Variants in GRIK1 observed in about 807,000 individuals in gnomAD.
The protein encoded by GRIK1 is glutamate ionotropic receptor kainate type subunit 1.
A neutral mutation model predicts 105.7 loss-of-function variants in GRIK1; 69 were observed. The ratio of observed to expected loss-of-function variants is 0.65; its 90% CI spans 0.54 to 0.80. GRIK1 has a LOEUF of 0.80. GRIK1 is among the 30% of genes least tolerant of loss of function. The pLI, the probability that GRIK1 is intolerant of heterozygous loss-of-function variation, is 0.00. For synonymous variants in GRIK1, 438 were observed against 431.3 expected (o/e 1.02, Z -0.19); for missense variants, 1,109 against 1,167.3 (o/e 0.95, Z 0.73).
chr21:29,605,624 T>A (rs1389689209), intron 7 of GRIK1, among the ~76,000 whole-genome samples: 1 of 152,162 alleles, frequency 6.6e-6, no homozygotes, highest in Non-Finnish European at 1.5e-5. Context: ...TGTGTTTAGG[T>A]CTTTGAGGAA....
At chr21:29,837,447 T>A (rs989586202) in intron 1 of GRIK1, among the ~76,000 whole-genome samples, 1 of 152,166 alleles carries the variant, frequency 6.6e-6, no homozygotes, top group Non-Finnish European at 1.5e-5. Flanking sequence ...GTGAATATAA[T>A]AAATATGTGA....
At chr21:29,551,368 C>CT (rs1418256302) in intron 16 of GRIK1, among the ~76,000 whole-genome samples, 1 of 152,170 alleles carries the variant, frequency 6.6e-6, no homozygotes, top group African/African-American at 2.4e-5. Context: ...GAAATTGAGA[C>CT]TGAGAAGTTT....
intron 1 of GRIK1, among the ~76,000 whole-genome samples, chr21:29,846,889 G>GTA: frequency 6.6e-6 from 1 of 152,182 alleles, no homozygotes; most frequent in South Asian, 2.1e-4. Flanking sequence ...GTATATGTAT[G>GTA]TATGTGTGTA....
chr21:29,550,066 T>C (rs149902326), intron 16 of GRIK1, among the ~76,000 whole-genome samples: 3,268 of 124,140 alleles, frequency 0.026, 112 homozygotes, highest in African/African-American at 0.093. Context: ...CAAGATGGCG[T>C]GACTGCACTC....
At chr21:29,933,032 A>T (rs926996464) in intron 1 of GRIK1, among the ~76,000 whole-genome samples, 11 of 152,122 alleles carry the variant, frequency 7.2e-5, no homozygotes, top group Non-Finnish European at 1.0e-4. Flanking sequence ...TTTCTAAATA[A>T]AAGAGGGCAA....
chr21:29,781,961 C>T (rs145099602), intron 1 of GRIK1, among the ~76,000 whole-genome samples: 19 of 151,890 alleles, frequency 1.3e-4, no homozygotes, highest in Non-Finnish European at 2.4e-4. Flanking sequence ...TGAGCCACCG[C>T]GCCCGGCCTA....
chr21:29,789,509 C>T (rs1045971118), intron 1 of GRIK1, among the ~76,000 whole-genome samples: 1 of 152,182 alleles, frequency 6.6e-6, no homozygotes, highest in Non-Finnish European at 1.5e-5. Flanking sequence ...TCCCCACTCC[C>T]CCATACCTGG....
intron 7 of GRIK1, among the ~76,000 whole-genome samples, chr21:29,629,382 C>T (rs2062210342): frequency 6.6e-6 from 1 of 152,096 alleles, no homozygotes; most frequent in Admixed American, 6.5e-5. Context: ...GAGGAAAAGG[C>T]ACAATGTCTC....
intron 1 of GRIK1, among the ~76,000 whole-genome samples, chr21:29,903,953 G>A (rs529136962): frequency 1.3e-4 from 20 of 152,270 alleles, no homozygotes; most frequent in African/African-American, 4.3e-4. Flanking sequence ...CATAAAAAAG[G>A]ATGAGTTCAT....
intron 1 of GRIK1, among the ~76,000 whole-genome samples, chr21:29,866,888 C>T (rs553504080): frequency 8.7e-4 from 132 of 152,278 alleles, no homozygotes; most frequent in Non-Finnish European, 1.7e-3. Flanking sequence ...AAACAAAGTA[C>T]ACTTGAATAT....
intron 1 of GRIK1, among the ~76,000 whole-genome samples, chr21:29,714,725 G>A (rs550303202): frequency 6.6e-6 from 1 of 152,246 alleles, no homozygotes; most frequent in East Asian, 1.9e-4. Context: ...CCAAAACCCA[G>A]CTGTAAAATT....
chr21:29,600,285 C>T (rs2061495284), intron 7 of GRIK1, among the ~76,000 whole-genome samples: 1 of 152,118 alleles, frequency 6.6e-6, no homozygotes, highest in Non-Finnish European at 1.5e-5. Context: ...TTTGAGGGTG[C>T]CGGTCTTCTT....
chr21:29,588,793 T>G (rs754402200), intron 11 of GRIK1, 46 bp downstream of exon 11: 2 of 1,007,018 alleles, frequency 2.0e-6, no homozygotes, highest in South Asian at 1.4e-5. Flanking sequence ...CTCTCTTACT[T>G]TCTCTTATGC....
chr21:29,542,577 CA>C (rs1013550998), intron 16 of GRIK1, among the ~76,000 whole-genome samples: 1 of 152,070 alleles, frequency 6.6e-6, no homozygotes, highest in Non-Finnish European at 1.5e-5. Context: ...TTGCAGTATT[CA>C]AAAAACTAGA....
rs533284576 is a variant in GRIK1 at position 29,668,367 on chromosome 21, A to G, written c.726+4616T>C. On this transcript the variant is annotated intron_variant, in intron 4 of 17. Transcript: ENST00000327783. ...CTCTTTTATCTCTTAAGAGATATTCATGAAGACTTAGGTGGGAATGACTGG... is the reference window on the plus strand; with the variant it reads ...CTCTTTTATCTCTTAAGAGATATTCGTGAAGACTTAGGTGGGAATGACTGG... Among the ~76,000 whole-genome samples the G allele has an allele frequency of 1.1e-4, 16 of 152,320 alleles. No homozygotes were observed. In the South Asian group the frequency reaches 1.2e-3, roughly 12 times the overall value.
chr21:29,789,240 C>A (rs1046023967), intron 1 of GRIK1, among the ~76,000 whole-genome samples: 1 of 152,206 alleles, frequency 6.6e-6, no homozygotes, highest in Non-Finnish European at 1.5e-5. Context: ...AGGGCAAGGC[C>A]AGATGCAGAC....
chr21:29,689,997 G>C lies in GRIK1; in HGVS notation c.287-12C>G, dbSNP rs774026573. On this transcript the variant is annotated splice_polypyrimidine_tract_variant and intron_variant, in intron 2 of 17. Coordinates refer to ENST00000327783, the MANE Select transcript of GRIK1 (RefSeq NM_001330994.2). ...CAGCTGGTCACATGCTGATGCCCAA[G>C]GACAAGGAGAGGATGGGGAGGGAGG... 2.5e-6 allele frequency: 4 copies of C among 1,607,036 alleles called. No individual in the cohort carries two copies. The highest frequency in any genetic ancestry group is 3.4e-6 in the Non-Finnish European group (4 of 1,174,600).
At chr21:29,742,985 T>TATAGAGCC (rs1163695514) in intron 1 of GRIK1, among the ~76,000 whole-genome samples, 13 of 152,134 alleles carry the variant, frequency 8.5e-5, no homozygotes, top group African/African-American at 3.1e-4. Flanking sequence ...CTGTTTTAAT[T>TATAGAGCC]ATAGAGCCTT....
intron 1 of GRIK1, among the ~76,000 whole-genome samples, chr21:29,870,577 G>A (rs468652): frequency 0.32 from 49,114 of 151,266 alleles, 9,598 homozygotes; most frequent in African/African-American, 0.54. Context: ...GTTAAAATAC[G>A]CCATTTCATT....
Sources: allele counts gnomAD v4.1 joint callset (sites outside exome capture counted in the v4.1 genomes callset), GRCh38; gene constraint gnomAD v4.1.1; transcripts MANE v1.5; gene names NCBI Gene and HGNC (gene_info 2026-07-23, HGNC 2026-07-21).